The following P2RX7 variants were observed in gnomAD, a reference collection of about 807,000 sequenced individuals.
The protein encoded by P2RX7 is P2X purinoceptor 7.
In P2RX7, 62 loss-of-function variants were observed where a neutral mutation model predicts 71.6. The ratio of observed to expected loss-of-function variants is 0.87; its 90% CI spans 0.71 to 1.07. P2RX7 has a LOEUF of 1.07. Among genes scored for constraint, P2RX7 ranks in the 50% least tolerant of loss-of-function variants. The pLI is 0.00. For synonymous variants in P2RX7, 299 were observed against 283.3 expected (o/e 1.06, Z -0.56); for missense variants, 686 against 748.5 (o/e 0.92, Z 0.97).
At position 121,144,446 on chromosome 12, in the gene P2RX7, C is replaced by A. The variant is rs564547907; in HGVS notation, c.126-10339C>A. The stretch of plus-strand genomic sequence containing the variant: ...CTCCTGACTTCAAATGGGCCACCCG[C>A]CTTGGCCTCCCAAAGTTCTGGGATT... On this transcript the variant is annotated intron_variant, in intron 1 of 12. Coordinates refer to ENST00000328963, the MANE Select transcript of P2RX7 (RefSeq NM_002562.6). Among the ~76,000 whole-genome samples, 85 of 152,214 alleles carry A rather than the reference C, an allele frequency of 5.6e-4. 1 individual carries two copies. The highest frequency in any genetic ancestry group is 9.4e-4 in the Non-Finnish European group (64 of 68,040).
chr12:121,140,243 A>G (rs565420072), intron 1 of P2RX7, among the ~76,000 whole-genome samples: 5 of 152,360 alleles, frequency 3.3e-5, no homozygotes, highest in African/African-American at 1.2e-4. Flanking sequence ...GAGGAACAGC[A>G]AGGACAGCAT....
intron 7 of P2RX7, 126 bp from the exon 8 acceptor site, chr12:121,167,362 T>TA: frequency 9.3e-7 from 1 of 1,069,670 alleles, no homozygotes; most frequent in Non-Finnish European, 1.4e-6. Context: ...GGGCTGTACA[T>TA]ATGGTTCTTC....
Position 121,148,798 on chromosome 12 carries a change from G to A in P2RX7, c.126-5987G>A, listed in dbSNP as rs533325005. On this transcript the variant is annotated intron_variant, in intron 1 of 12. Coordinates refer to ENST00000328963, the MANE Select transcript of P2RX7 (RefSeq NM_002562.6). ...GGGTGGACCAGCGATGGACCTGATC[G>A]GATTCTCCTCTTGGGATTTTAAATA... Among the ~76,000 whole-genome samples, 348 of 152,288 alleles carry A rather than the reference G, an allele frequency of 2.3e-3. 2 individuals are homozygous for A. The highest frequency in any genetic ancestry group is 7.7e-3 in the African/African-American group (322 of 41,574).
chr12:121,136,860 G>C, intron 1 of P2RX7, among the ~76,000 whole-genome samples: 1 of 151,724 alleles, frequency 6.6e-6, no homozygotes, highest in East Asian at 1.9e-4. Context: ...AGTTGTCCAG[G>C]CTGGTCTTGA....
rs1173963181 is a variant in P2RX7 at position 121,149,770 on chromosome 12, G to T, written c.126-5015G>T. On this transcript the variant is annotated intron_variant, in intron 1 of 12. Transcript: ENST00000328963. This position sits in a 1 kb window ranked among gnomAD's most constrained non-coding sequence, Gnocchi z 4.7. ...CTTTTTTAGAGACTGGAGTCTCACT[G>T]TGTTGCCCAGGCTTGTCTTGAACTC... is the stretch of plus-strand genomic sequence containing the variant. 6.6e-6 allele frequency among the ~76,000 whole-genome samples: 1 copy of T among 151,958 alleles called. No homozygotes were observed. The highest frequency in any genetic ancestry group is 1.9e-4 in the East Asian group (1 of 5,180).
intron 6 of P2RX7, 50 bp from the exon 7 acceptor site, chr12:121,166,008 T>A: frequency 8.9e-6 from 14 of 1,578,148 alleles, no homozygotes; most frequent in Non-Finnish European, 1.2e-5. Context: ...GAGACAGATC[T>A]GTTTTCAATC....
chr12:121,141,210 A>T (rs1000354182), intron 1 of P2RX7, among the ~76,000 whole-genome samples: 1 of 152,226 alleles, frequency 6.6e-6, no homozygotes, highest in East Asian at 1.9e-4. Flanking sequence ...GAAACATATC[A>T]TGTCAAAAGA....
At chr12:121,177,919 A>G (rs1332538760) in intron 11 of P2RX7, among the ~76,000 whole-genome samples, 2 of 151,966 alleles carry the variant, frequency 1.3e-5, no homozygotes, top group African/African-American at 4.8e-5. Flanking sequence ...GTGTTTAGCT[A>G]TGTTGGCCAG....
At chr12:121,177,762 A>G (rs1316504394) in intron 11 of P2RX7, among the ~76,000 whole-genome samples, 1 of 151,738 alleles carries the variant, frequency 6.6e-6, no homozygotes, top group Non-Finnish European at 1.5e-5. Flanking sequence ...TCTATCACCC[A>G]GGCTGGAGTG....
intron 1 of P2RX7, among the ~76,000 whole-genome samples, chr12:121,151,749 G>A (rs1332244945): frequency 1.3e-5 from 2 of 151,792 alleles, no homozygotes; most frequent in African/African-American, 2.4e-5. Context: ...CACCCCAAAA[G>A]GACACTCCAT....
chr12:121,139,184 T>C (rs1366744317), intron 1 of P2RX7, among the ~76,000 whole-genome samples: 1 of 152,180 alleles, frequency 6.6e-6, no homozygotes, highest in Non-Finnish European at 1.5e-5. Context: ...TCAGGTGATC[T>C]GCCCGCCTCG....
intron 9 of P2RX7, 131 bp downstream of exon 9, chr12:121,175,609 T>C (rs563187353): frequency 1.6e-6 from 1 of 617,028 alleles, no homozygotes; most frequent in Admixed American, 2.6e-5. Flanking sequence ...GCACATGGGA[T>C]AAAAGAGGAA....
At chr12:121,135,352 A>G (rs910792165) in intron 1 of P2RX7, among the ~76,000 whole-genome samples, 3 of 151,868 alleles carry the variant, frequency 2.0e-5, no homozygotes, top group Admixed American at 1.3e-4. Context: ...TAATAATAAT[A>G]GTAATAATTT....
At chr12:121,161,925 A>C (rs918585400) in intron 4 of P2RX7, among the ~76,000 whole-genome samples, 1 of 151,996 alleles carries the variant, frequency 6.6e-6, no homozygotes, top group Non-Finnish European at 1.5e-5. Context: ...CTGTATGTGT[A>C]TTTGAGTTAG....
rs775063079 is a variant in P2RX7 at position 121,162,466 on chromosome 12, A to G, written c.479A>G (p.Lys160Arg). Residue 160 changes from lysine to arginine, a missense_variant, in exon 5 of 13, where the codon AAG becomes AGG. Transcript: ENST00000328963. Reference protein sequence around the residue: ...GRCVVYEGNQKTCEVSAWCPI... With the variant: ...GRCVVYEGNQRTCEVSAWCPI... ...TGTGTAGTGTATGAAGGGAACCAGA[A>G]GACCTGTGAAGTCTCTGCCTGGTGC... 3 of 1,613,966 alleles carry G rather than the reference A, an allele frequency of 1.9e-6. No individual in the cohort carries two copies. The highest frequency in any genetic ancestry group is 3.3e-5 in the Admixed American group (2 of 60,018).
chr12:121,174,263 G>C (rs1270664692), intron 8 of P2RX7, among the ~76,000 whole-genome samples: 1 of 151,864 alleles, frequency 6.6e-6, no homozygotes, highest in East Asian at 1.9e-4. Context: ...GTCCGGGCTG[G>C]TCTTGAACTC....
chr12:121,161,130 T>A (rs1879589815), intron 4 of P2RX7, among the ~76,000 whole-genome samples, 156 bp downstream of exon 4: 1 of 152,170 alleles, frequency 6.6e-6, no homozygotes, highest in African/African-American at 2.4e-5. Context: ...TTCGGCTCTG[T>A]CCCCAGCAGA....
Position 121,154,712 on chromosome 12 carries a change from C to A in P2RX7, c.126-73C>A. The A allele has an allele frequency of 2.1e-6, 2 of 934,582 alleles. No individual in the cohort carries two copies. The highest frequency in any genetic ancestry group is 3.6e-6 in the Non-Finnish European group (2 of 560,386). 57.9% of individuals were successfully genotyped at this position (934,582 alleles called of 1,614,324 possible). A position where few individuals can be genotyped will look rare whatever the true frequency, so the allele number is the denominator to read the frequency against. Reference sequence around the variant, plus strand: ...GCTAGGATTGGAACAGAAGTGCCTGCATCCTCCAACGCCTGCATCCCAACC... The same window carrying A: ...GCTAGGATTGGAACAGAAGTGCCTGAATCCTCCAACGCCTGCATCCCAACC... On this transcript the variant is annotated intron_variant, in intron 1 of 12. Coordinates refer to ENST00000328963, the MANE Select transcript of P2RX7 (RefSeq NM_002562.6). The surrounding 1 kb of genome is among the most constrained non-coding windows in gnomAD (Gnocchi z 4.2).
At chr12:121,136,003 CAAAA>C (rs1191508376) in intron 1 of P2RX7, among the ~76,000 whole-genome samples, 2 of 12,832 alleles carry the variant, frequency 1.6e-4, no homozygotes, top group Non-Finnish European at 2.1e-4. Context: ...GACTCTGTCT[CAAAA>C]AAAAAAAAAA....
Sources: allele counts gnomAD v4.1 joint callset (sites outside exome capture counted in the v4.1 genomes callset), GRCh38; gene constraint gnomAD v4.1.1; non-coding constraint Gnocchi (gnomAD v3.1); transcripts MANE v1.5; gene names NCBI Gene and HGNC (gene_info 2026-07-23, HGNC 2026-07-21).